The following GTF2H5 variants were observed in gnomAD, a reference collection of about 807,000 sequenced individuals.
GTF2H5 encodes TFB5 ortholog.
A neutral mutation model predicts 7.1 loss-of-function variants in GTF2H5; 5 were observed. The ratio of observed to expected loss-of-function variants is 0.71; its 90% CI spans 0.37 to 1.49. The LOEUF is 1.49. Ranked by LOEUF, GTF2H5 falls within the 40% of genes most tolerant of loss-of-function variation. The pLI, the probability that GTF2H5 is intolerant of heterozygous loss-of-function variation, is 0.03. For missense variants in GTF2H5, 80 were observed against 83.0 expected, an observed-to-expected ratio of 0.96 and a Z score of 0.14; for synonymous variants, 30 against 31.7, an observed-to-expected ratio of 0.95 and a Z score of 0.18.
In GTF2H5 at chr6:158,194,523, C is replaced by G. The variant is rs1777078620; in HGVS notation, c.*2366C>G. The G allele has an allele frequency of 6.6e-6, 1 of 152,240 alleles. No homozygotes were observed. Among genetic ancestry groups the G allele is most frequent in the Non-Finnish European group, 1.5e-5 (1 of 68,042 alleles). 9.4% of individuals were successfully genotyped at this position (152,240 alleles called of 1,614,324 possible). ...TCATAAGATGTCAGGTGTGGGGGCT[C>G]TGCCAGACACAAACTCAAGGCTTTA... On this transcript the variant is annotated 3_prime_UTR_variant, in exon 3 of 3. Coordinates refer to ENST00000607778, the MANE Select transcript of GTF2H5 (RefSeq NM_207118.3).
chr6:158,190,629 G>T, intron 2 of GTF2H5: 1 of 479,188 alleles, frequency 2.1e-6, no homozygotes, highest in East Asian at 5.7e-5. Context: ...AGGGATAGAA[G>T]TAAATCCCGT....
At chr6:158,175,411 T>C (rs1785920344) in intron 2 of GTF2H5, among the ~76,000 whole-genome samples, 3 of 152,194 alleles carry the variant, frequency 2.0e-5, no homozygotes, top group South Asian at 4.1e-4. Flanking sequence ...AAGCAACTTG[T>C]GATGGGTGTT....
intron 1 of GTF2H5, among the ~76,000 whole-genome samples, chr6:158,169,926 G>A (rs1785827353): frequency 6.7e-6 from 1 of 149,476 alleles, no homozygotes; most frequent in Admixed American, 6.8e-5. Flanking sequence ...AGGCTGAGGT[G>A]GGAGGATCGC....
intron 1 of GTF2H5, among the ~76,000 whole-genome samples, chr6:158,169,431 T>A (rs1785729165): frequency 1.7e-5 from 1 of 57,312 alleles, no homozygotes; most frequent in African/African-American, 8.2e-5. Flanking sequence ...TATAATATAT[T>A]GTATATTATA....
rs1471750074 is a variant in GTF2H5 at position 158,196,472 on chromosome 6, T to C, written c.*4315T>C. On this transcript the variant is annotated 3_prime_UTR_variant, in exon 3 of 3. Coordinates refer to ENST00000607778, the MANE Select transcript of GTF2H5 (RefSeq NM_207118.3). ...TGAATGTGAGTTAACACACAAGAGGTCTTCAAAAAGTTGATGGAAAATGCA... is the reference window on the plus strand; with the variant it reads ...TGAATGTGAGTTAACACACAAGAGGCCTTCAAAAAGTTGATGGAAAATGCA... 1.3e-5 allele frequency: 2 copies of C among 152,116 alleles called. No homozygotes were observed. Among genetic ancestry groups the C allele is most frequent in the Non-Finnish European group, 2.9e-5 (2 of 68,026 alleles). 9.4% of individuals were successfully genotyped at this position (152,116 alleles called of 1,614,324 possible).
intron 2 of GTF2H5, among the ~76,000 whole-genome samples, chr6:158,175,175 T>G (rs1334398498): frequency 2.0e-5 from 3 of 152,186 alleles, no homozygotes; most frequent in Non-Finnish European, 4.4e-5. Context: ...TTAATGTTCC[T>G]TTAGAGCCTC....
chr6:158,171,027 C>G (rs1785848348), intron 2 of GTF2H5, among the ~76,000 whole-genome samples: 1 of 152,160 alleles, frequency 6.6e-6, no homozygotes, highest in Non-Finnish European at 1.5e-5. Flanking sequence ...TGTGGACACT[C>G]CCATTGTCTG....
chr6:158,192,342 T>TAA lies in GTF2H5; in HGVS notation c.*197_*198dup, dbSNP rs3841147. 5.7e-5 allele frequency: 28 copies of TAA among 493,404 alleles called. No homozygotes were observed. The highest frequency in any genetic ancestry group is 8.3e-5 in the Non-Finnish European group (23 of 276,898). 30.6% of individuals were successfully genotyped at this position (493,404 alleles called of 1,614,324 possible). On this transcript the variant is annotated 3_prime_UTR_variant, in exon 3 of 3. Coordinates refer to ENST00000607778, the MANE Select transcript of GTF2H5 (RefSeq NM_207118.3). ...GAACTGATTTTGTTACCATAGAATT[T>TAA]AAAAAAAAAAAAAGCTTTAACAGTT...
chr6:158,185,280 G>A (rs2114399), intron 2 of GTF2H5, among the ~76,000 whole-genome samples: 5,122 of 151,954 alleles, frequency 0.034, 297 homozygotes, highest in African/African-American at 0.12. Context: ...GGTGGCACAC[G>A]CCTGTAATCC....
chr6:158,175,026 G>GTGTGTGTGTGTGTGTGTATA (rs1554267648), intron 2 of GTF2H5, among the ~76,000 whole-genome samples: 98 of 140,218 alleles, frequency 7.0e-4, no homozygotes, highest in African/African-American at 2.7e-3. Flanking sequence ...GTGTGTGTGT[G>GTGTGTGTGTGTGTGTGTATA]TGTGTGTGTG....
At chr6:158,185,049 G>A (rs926399079) in intron 2 of GTF2H5, among the ~76,000 whole-genome samples, 2 of 150,232 alleles carry the variant, frequency 1.3e-5, no homozygotes, top group African/African-American at 2.5e-5. Flanking sequence ...TTTTTTTTCT[G>A]CTACTCTCAA....
In GTF2H5 at chr6:158,169,679, A is replaced by T. The variant is rs11758331; in HGVS notation, c.-34-791A>T. On this transcript the variant is annotated intron_variant, in intron 1 of 2. Transcript: ENST00000607778. ...CATATAATATATTGTATATTATATA[A>T]TATATAATATATATTATATAATATA... Among the ~76,000 whole-genome samples, 34 of 39,862 alleles carry T rather than the reference A, an allele frequency of 8.5e-4. 2 individuals carry two copies. Among genetic ancestry groups the T allele is most frequent in the Non-Finnish European group, 8.0e-4 (21 of 26,316 alleles). The allele number at this position is 39,862 out of a possible 152,430, so 26.2% of individuals were successfully genotyped here. A position where few individuals can be genotyped will look rare whatever the true frequency, so the allele number is the denominator to read the frequency against.
chr6:158,196,091 C>G lies in GTF2H5; in HGVS notation c.*3934C>G, dbSNP rs912223081. 1 of 152,112 alleles carries G rather than the reference C, an allele frequency of 6.6e-6. No homozygotes were observed. Among genetic ancestry groups the G allele is most frequent in the Admixed American group, 6.6e-5 (1 of 15,264 alleles). The allele number at this position is 152,112 out of a possible 1,614,324, so 9.4% of individuals were successfully genotyped here. On this transcript the variant is annotated 3_prime_UTR_variant, in exon 3 of 3. Transcript: ENST00000607778. ...GGTCAGGAGATCAAAACAATCCTGG[C>G]TAACAAGGTGAAACCCCGTCTCTAC...
At chr6:158,183,777 G>C (rs965739777) in intron 2 of GTF2H5, among the ~76,000 whole-genome samples, 1 of 152,170 alleles carries the variant, frequency 6.6e-6, no homozygotes, top group Admixed American at 6.5e-5. Context: ...ATTTGGGCTG[G>C]AGTGTATTGC....
intron 2 of GTF2H5, among the ~76,000 whole-genome samples, chr6:158,183,549 C>T (rs1786036889): frequency 6.6e-6 from 1 of 152,210 alleles, no homozygotes; most frequent in Non-Finnish European, 1.5e-5. Context: ...CCAATTTGAG[C>T]TTCCCTGCTG....
chr6:158,169,436 A>G (rs1199814116), intron 1 of GTF2H5, among the ~76,000 whole-genome samples: 3 of 68,426 alleles, frequency 4.4e-5, no homozygotes, highest in Non-Finnish European at 6.8e-5. Context: ...TATATTGTAT[A>G]TTATATATAT....
intron 2 of GTF2H5, among the ~76,000 whole-genome samples, chr6:158,171,821 T>C (rs183069978): frequency 1.3e-5 from 2 of 152,284 alleles, no homozygotes; most frequent in African/African-American, 4.8e-5. Flanking sequence ...AGAATGTACG[T>C]TGATGAGAGT....
intron 2 of GTF2H5, among the ~76,000 whole-genome samples, chr6:158,172,550 G>A (rs1262724866): frequency 4.6e-5 from 7 of 151,922 alleles, no homozygotes; most frequent in African/African-American, 1.5e-4. Flanking sequence ...CACCTGCCCC[G>A]GCCTCCCAAA....
At position 158,169,425 on chromosome 6, in the gene GTF2H5, A is replaced by ATATG. The variant is rs1231681450; in HGVS notation, c.-35+1033_-35+1034insGTAT. 2.1e-4 allele frequency among the ~76,000 whole-genome samples: 15 copies of ATATG among 72,838 alleles called. 1 individual carries two copies. The highest frequency in any genetic ancestry group is 6.4e-4 in the African/African-American group (10 of 15,646). 47.8% of individuals were successfully genotyped at this position (72,838 alleles called of 152,430 possible). A position where few individuals can be genotyped will look rare whatever the true frequency, so the allele number is the denominator to read the frequency against. Reference sequence around the variant, plus strand: ...TATTGTATATTATATATTATATATAATATATTGTATATTATATATATTATA... The same window carrying ATATG: ...TATTGTATATTATATATTATATATAATATGTATATTGTATATTATATATATTATA... On this transcript the variant is annotated intron_variant, in intron 1 of 2. Transcript: ENST00000607778.
Sources: allele counts gnomAD v4.1 joint callset (sites outside exome capture counted in the v4.1 genomes callset), GRCh38; gene constraint gnomAD v4.1.1; transcripts MANE v1.5; gene names NCBI Gene and HGNC (gene_info 2026-07-23, HGNC 2026-07-21).